The following EYS variants were observed in gnomAD, a reference collection of about 807,000 sequenced individuals.
The protein encoded by EYS is protein eyes shut homolog.
EYS carries 250 observed loss-of-function variants against 282.1 expected under a neutral mutation model. The ratio of observed to expected loss-of-function variants is 0.89; its 90% CI spans 0.80 to 0.98. The LOEUF (loss-of-function observed/expected upper bound fraction) is 0.98, where lower values mean the gene tolerates loss of function less well. Ranked by LOEUF, EYS falls within the 50% of genes least tolerant of loss-of-function variation. The pLI is 0.00. For synonymous variants in EYS, 1,355 were observed against 1,282.9 expected (o/e 1.06, Z -1.20); for missense variants, 4,016 against 3,709.0 (o/e 1.08, Z -2.15).
chr6:65,053,851 C>A (rs1773342952), intron 13 of EYS, among the ~76,000 whole-genome samples: 1 of 151,836 alleles, frequency 6.6e-6, no homozygotes, highest in Non-Finnish European at 1.5e-5. Flanking sequence ...GTAAAGTTAT[C>A]AAATTAGTGA....
intron 22 of EYS, among the ~76,000 whole-genome samples, chr6:64,727,074 T>G (rs574133856): frequency 6.6e-6 from 1 of 152,316 alleles, no homozygotes; most frequent in African/African-American, 2.4e-5. Context: ...CAGAGGAATA[T>G]GGATACAAAA....
chr6:65,419,091 A>C (rs1005429962), intron 5 of EYS, among the ~76,000 whole-genome samples: 3 of 143,262 alleles, frequency 2.1e-5, no homozygotes, highest in Admixed American at 7.3e-5. Flanking sequence ...AATATTCAAA[A>C]GAAAAGTTGA....
At chr6:65,258,479 T>A (rs1179703238) in intron 12 of EYS, among the ~76,000 whole-genome samples, 1 of 152,094 alleles carries the variant, frequency 6.6e-6, no homozygotes, top group Admixed American at 6.6e-5. Flanking sequence ...CATGGTAGTT[T>A]AATCTCAAAA....
At chr6:65,096,969 C>G (rs1338085532) in intron 12 of EYS, among the ~76,000 whole-genome samples, 1 of 150,642 alleles carries the variant, frequency 6.6e-6, no homozygotes, top group African/African-American at 2.4e-5. Context: ...GCCAAAAGAA[C>G]AGCCAAAACA....
chr6:64,803,871 G>A (rs74944251), intron 22 of EYS, among the ~76,000 whole-genome samples: 6,733 of 152,292 alleles, frequency 0.044, 174 homozygotes, highest in East Asian at 0.07. Context: ...GCAAGAGCAG[G>A]CACTTCCAAG....
At chr6:65,027,793 C>G (rs558237383) in intron 13 of EYS, among the ~76,000 whole-genome samples, 12 of 152,150 alleles carry the variant, frequency 7.9e-5, no homozygotes, top group African/African-American at 2.9e-4. Flanking sequence ...GTTATCTGTT[C>G]ATCTGTTGTA....
chr6:65,186,207 T>G lies in EYS; in HGVS notation c.2023+109656A>C, dbSNP rs1251671852. On this transcript the variant is annotated intron_variant, in intron 12 of 42. Coordinates refer to ENST00000503581, the MANE Select transcript of EYS (RefSeq NM_001142800.2). ...TGAAATTATTTGAGAGAACTTTACC[T>G]CAACAAAAATTGAAGATGGGAATGA... Among the ~76,000 whole-genome samples the G allele has an allele frequency of 1.1e-4, 16 of 151,896 alleles. No homozygotes were observed. The South Asian group carries it at 2.7e-3, about 26-fold the overall frequency.
chr6:65,594,592 A>T (rs1422425478), intron 2 of EYS, among the ~76,000 whole-genome samples: 1 of 151,856 alleles, frequency 6.6e-6, no homozygotes, highest in African/African-American at 2.4e-5. Context: ...GATTGCAAAA[A>T]TTTTCTCCCA....
intron 10 of EYS, among the ~76,000 whole-genome samples, chr6:65,341,329 GTTC>G (rs1165289341): frequency 6.6e-6 from 1 of 151,094 alleles, no homozygotes; most frequent in Non-Finnish European, 1.5e-5. Flanking sequence ...GTTTTCACGG[GTTC>G]TTCTCAGTCT....
intron 5 of EYS, among the ~76,000 whole-genome samples, chr6:65,410,095 A>C (rs1009101830): frequency 6.6e-6 from 1 of 152,114 alleles, no homozygotes; most frequent in East Asian, 1.9e-4. Flanking sequence ...GTACTTAATT[A>C]GACATAAATA....
At chr6:65,102,405 T>C (rs7755264) in intron 12 of EYS, among the ~76,000 whole-genome samples, 1 of 151,284 alleles carries the variant, frequency 6.6e-6, no homozygotes, top group Admixed American at 6.6e-5. Context: ...AGCAATTTTA[T>C]TGTAGTACAA....
intron 5 of EYS, among the ~76,000 whole-genome samples, chr6:65,429,937 A>T (rs1391374349): frequency 1.3e-5 from 2 of 152,174 alleles, no homozygotes; most frequent in Admixed American, 6.5e-5. Context: ...GTGTTCCAAT[A>T]CCTTTACATG....
At chr6:64,101,323 A>G (rs1029130530) in intron 31 of EYS, among the ~76,000 whole-genome samples, 12 of 152,114 alleles carry the variant, frequency 7.9e-5, no homozygotes, top group African/African-American at 2.9e-4. Flanking sequence ...TAACAGCACC[A>G]TCTCTCTCAA....
intron 2 of EYS, among the ~76,000 whole-genome samples, chr6:65,534,441 T>A (rs1767893656): frequency 6.6e-6 from 1 of 152,122 alleles, no homozygotes; most frequent in African/African-American, 2.4e-5. Flanking sequence ...GGGGTGACTA[T>A]GAGCCGGAAT....
chr6:64,869,719 A>G (rs1475768193), intron 19 of EYS, among the ~76,000 whole-genome samples: 1 of 151,716 alleles, frequency 6.6e-6, no homozygotes, highest in Non-Finnish European at 1.5e-5. Flanking sequence ...ATGTTTTGAT[A>G]TAATGTTGAG....
intron 2 of EYS, among the ~76,000 whole-genome samples, chr6:65,635,149 G>A (rs1267629107): frequency 6.6e-6 from 1 of 152,160 alleles, no homozygotes; most frequent in African/African-American, 2.4e-5. Flanking sequence ...GGAACCCCAT[G>A]AGTAGATGCA....
intron 1 of EYS, among the ~76,000 whole-genome samples, chr6:65,644,840 C>A (rs528886010): frequency 6.6e-6 from 1 of 152,198 alleles, no homozygotes; most frequent in Non-Finnish European, 1.5e-5. Flanking sequence ...AGGAAAGATA[C>A]AGTCTTTTCC....
At chr6:64,288,864 C>T (rs372518840) in intron 30 of EYS, among the ~76,000 whole-genome samples, 1 of 152,152 alleles carries the variant, frequency 6.6e-6, no homozygotes, top group South Asian at 2.1e-4. Context: ...CTAAATCTAG[C>T]CATATTTCCT....
At chr6:65,686,001 C>T (rs1562327820) in intron 1 of EYS, among the ~76,000 whole-genome samples, 1 of 152,096 alleles carries the variant, frequency 6.6e-6, no homozygotes, top group African/African-American at 2.4e-5. Flanking sequence ...ACTGGAAGTG[C>T]ATTGCGAGAT....
Sources: allele counts gnomAD v4.1 joint callset (sites outside exome capture counted in the v4.1 genomes callset), GRCh38; gene constraint gnomAD v4.1.1; transcripts MANE v1.5; gene names NCBI Gene and HGNC (gene_info 2026-07-23, HGNC 2026-07-21).